The following ITFG1 variants were observed in gnomAD, a reference collection of about 807,000 sequenced individuals.
ITFG1 encodes integrin alpha FG-GAP repeat containing 1, also known as T-cell immunomodulatory protein.
Under a neutral mutation model 81.8 loss-of-function variants are expected in ITFG1, and 34 were observed. The ratio of observed to expected loss-of-function variants is 0.42; its 90% CI spans 0.32 to 0.55. The LOEUF (loss-of-function observed/expected upper bound fraction) is 0.55. Ranked by LOEUF, ITFG1 falls within the 20% of genes least tolerant of loss-of-function variation. ITFG1 has a pLI of 0.17. For synonymous variants in ITFG1, 285 were observed against 270.6 expected (o/e 1.05, Z -0.52); for missense variants, 672 against 755.4 (o/e 0.89, Z 1.29).
chr16:47,210,634 A>G (rs1389949130), intron 14 of ITFG1, among the ~76,000 whole-genome samples: 1 of 152,200 alleles, frequency 6.6e-6, no homozygotes, highest in African/African-American at 2.4e-5. Flanking sequence ...TTCTTGTTAG[A>G]AGATCTATGG....
At chr16:47,326,471 C>A (rs1243193605) in intron 8 of ITFG1, among the ~76,000 whole-genome samples, 2 of 152,036 alleles carry the variant, frequency 1.3e-5, no homozygotes, top group Non-Finnish European at 2.9e-5. Flanking sequence ...AAGTTCTGGC[C>A]AGGGCAATTA....
intron 10 of ITFG1, among the ~76,000 whole-genome samples, chr16:47,301,368 G>T (rs1967073127): frequency 6.6e-6 from 1 of 151,806 alleles, no homozygotes; most frequent in Non-Finnish European, 1.5e-5. Context: ...TTCAAAACTG[G>T]CAGTATTTCC....
chr16:47,328,176 A>G (rs941166487), intron 8 of ITFG1, among the ~76,000 whole-genome samples: 20 of 152,198 alleles, frequency 1.3e-4, no homozygotes, highest in Non-Finnish European at 2.2e-4. Flanking sequence ...TTGTAGGGAC[A>G]TGGATGAAGC....
chr16:47,181,559 G>T (rs1965122066), intron 14 of ITFG1, among the ~76,000 whole-genome samples: 1 of 143,860 alleles, frequency 7.0e-6, no homozygotes, highest in African/African-American at 2.6e-5. Context: ...GGTGGGGGGG[G>T]GTCAGCCCCC....
chr16:47,340,458 C>G (rs1209484305), intron 8 of ITFG1, among the ~76,000 whole-genome samples: 1 of 152,050 alleles, frequency 6.6e-6, no homozygotes, highest in Admixed American at 6.6e-5. Context: ...AAGCTGGTTT[C>G]AATTCAAATT....
intron 10 of ITFG1, among the ~76,000 whole-genome samples, chr16:47,308,074 T>A (rs1463268247): frequency 6.6e-6 from 1 of 152,210 alleles, no homozygotes; most frequent in Non-Finnish European, 1.5e-5. Context: ...TGATTCCATA[T>A]CTCTGCTATT....
intron 5 of ITFG1, among the ~76,000 whole-genome samples, chr16:47,439,851 T>C (rs1057371955): frequency 5.9e-5 from 9 of 152,200 alleles, no homozygotes; most frequent in East Asian, 3.8e-4. Flanking sequence ...ACCTTAAATG[T>C]AAATGGGCTC....
chr16:47,232,114 T>G (rs1315331100), intron 13 of ITFG1, among the ~76,000 whole-genome samples: 1 of 152,196 alleles, frequency 6.6e-6, no homozygotes. Context: ...AAAAGGAAGG[T>G]AGGCTTGCTG....
intron 8 of ITFG1, among the ~76,000 whole-genome samples, chr16:47,359,483 T>C (rs1423400057): frequency 6.6e-6 from 1 of 152,240 alleles, no homozygotes; most frequent in Non-Finnish European, 1.5e-5. Flanking sequence ...CAGCATTTCT[T>C]GTCAACTTTG....
intron 7 of ITFG1, among the ~76,000 whole-genome samples, chr16:47,375,004 A>G (rs574256414): frequency 1.3e-5 from 2 of 152,344 alleles, no homozygotes; most frequent in South Asian, 4.1e-4. Flanking sequence ...AATAAAATTT[A>G]TAAAAGGTTA....
chr16:47,324,065 T>C (rs1400161071), intron 8 of ITFG1, among the ~76,000 whole-genome samples: 1 of 152,292 alleles, frequency 6.6e-6, no homozygotes, highest in African/African-American at 2.4e-5. Context: ...AATTTTTCTA[T>C]AATGTTCGTT....
intron 14 of ITFG1, among the ~76,000 whole-genome samples, chr16:47,186,210 A>T (rs982878833): frequency 6.6e-6 from 1 of 152,228 alleles, no homozygotes; most frequent in African/African-American, 2.4e-5. Context: ...ATTCCTTCTG[A>T]AAGTATTCCA....
At chr16:47,347,031 C>CA (rs2151579557) in intron 8 of ITFG1, among the ~76,000 whole-genome samples, 1 of 152,298 alleles carries the variant, frequency 6.6e-6, no homozygotes, top group Admixed American at 6.5e-5. Context: ...AAACCAAATT[C>CA]AACAACACAT....
intron 6 of ITFG1, among the ~76,000 whole-genome samples, chr16:47,416,143 A>G (rs1968871575): frequency 6.6e-6 from 1 of 152,082 alleles, no homozygotes; most frequent in Non-Finnish European, 1.5e-5. Flanking sequence ...TTGTTTAACC[A>G]TTTATTTCAT....
intron 8 of ITFG1, 71 bp downstream of exon 8, chr16:47,365,717 T>C (rs1567475603): frequency 2.2e-6 from 2 of 912,034 alleles, no homozygotes; most frequent in Non-Finnish European, 1.8e-6. Flanking sequence ...GGAATTAATA[T>C]AAATAGAACA....
intron 5 of ITFG1, among the ~76,000 whole-genome samples, chr16:47,432,757 TAA>T (rs1336082747): frequency 1.3e-5 from 2 of 152,232 alleles, no homozygotes; most frequent in Non-Finnish European, 2.9e-5. Flanking sequence ...TAGAAATCTT[TAA>T]AATAGTTTCA....
intron 9 of ITFG1, 37 bp downstream of exon 9, chr16:47,313,691 TA>T (rs201910140): frequency 1.7e-3 from 1,876 of 1,113,494 alleles, no homozygotes; most frequent in South Asian, 3.5e-3. Flanking sequence ...TCCAAGCACA[TA>T]AAAAAAAATG....
chr16:47,243,733 T>C (rs1965964595), intron 12 of ITFG1, among the ~76,000 whole-genome samples: 2 of 152,218 alleles, frequency 1.3e-5, no homozygotes, highest in African/African-American at 4.8e-5. Context: ...ATATGTTTCA[T>C]AAAGTTCCAT....
chr16:47,204,988 C>G (rs769737537), intron 14 of ITFG1, among the ~76,000 whole-genome samples: 15 of 152,206 alleles, frequency 9.9e-5, no homozygotes, highest in Non-Finnish European at 1.8e-4. Context: ...TCAGATGTAC[C>G]TCTCCTGCCT....
Sources: allele counts gnomAD v4.1 joint callset (sites outside exome capture counted in the v4.1 genomes callset), GRCh38; gene constraint gnomAD v4.1.1; transcripts MANE v1.5; gene names NCBI Gene and HGNC (gene_info 2026-07-23, HGNC 2026-07-21).